The following SLC7A11 variants were observed in gnomAD, a reference collection of about 807,000 sequenced individuals.
SLC7A11 encodes cystine/glutamate transporter.
In SLC7A11, 35 loss-of-function variants were observed where a neutral mutation model predicts 54.5. The ratio of observed to expected loss-of-function variants is 0.64; its 90% confidence interval spans 0.49 to 0.85. SLC7A11 has a LOEUF of 0.85. SLC7A11 is among the 40% of genes least tolerant of loss of function. SLC7A11 has a pLI of 0.00. For missense variants in SLC7A11, 583 were observed against 618.1 expected, an observed-to-expected ratio of 0.94 and a Z score of 0.60; for synonymous variants, 230 against 225.2, an observed-to-expected ratio of 1.02 and a Z score of -0.19.
At chr4:138,240,292 C>T (rs150072034) in intron 1 of SLC7A11, among the ~76,000 whole-genome samples, 140 of 152,096 alleles carry the variant, frequency 9.2e-4, no homozygotes, top group African/African-American at 3.2e-3. Flanking sequence ...GAGGACCGGG[C>T]GCGGTGGCTC....
chr4:138,228,864 C>T (rs559193809), intron 3 of SLC7A11, among the ~76,000 whole-genome samples: 3 of 151,802 alleles, frequency 2.0e-5, no homozygotes, highest in Non-Finnish European at 4.4e-5. Context: ...TTAACTTCCA[C>T]GCACCTGACA....
At chr4:138,203,736 A>C (rs1216668131) in intron 6 of SLC7A11, among the ~76,000 whole-genome samples, 1 of 152,118 alleles carries the variant, frequency 6.6e-6, no homozygotes, top group African/African-American at 2.4e-5. Context: ...TAAAAACTGC[A>C]TATGTGTCAC....
At chr4:138,224,587 A>T (rs1737892218) in intron 3 of SLC7A11, among the ~76,000 whole-genome samples, 1 of 152,106 alleles carries the variant, frequency 6.6e-6, no homozygotes, top group East Asian at 1.9e-4. Flanking sequence ...TGTCAGCAAC[A>T]CATAATCTTT....
intron 1 of SLC7A11, among the ~76,000 whole-genome samples, chr4:138,237,733 ATATATTTTTTTTTTTTTTTTT>A (rs1437351842): frequency 5.2e-4 from 6 of 11,560 alleles, no homozygotes; most frequent in African/African-American, 2.3e-3. Context: ...ATATATATAT[ATATATTTTTTTTTTTTTTTTT>A]TTTTTTTTTT....
intron 5 of SLC7A11, among the ~76,000 whole-genome samples, chr4:138,216,530 T>C (rs962996280): frequency 6.6e-6 from 1 of 152,180 alleles, no homozygotes; most frequent in African/African-American, 2.4e-5. Flanking sequence ...CCGACCCAAC[T>C]GTGTGACCTG....
At position 138,169,629 on chromosome 4, in the gene SLC7A11, C is replaced by G. The variant is rs1426235264; in HGVS notation, c.*2327G>C. The G allele has an allele frequency of 6.6e-6, 1 of 152,004 alleles. No homozygotes were observed. The highest frequency in any genetic ancestry group is 1.9e-4 in the East Asian group (1 of 5,182). 9.4% of individuals were successfully genotyped at this position (152,004 alleles called of 1,614,324 possible). On this transcript the variant is annotated 3_prime_UTR_variant, in exon 12 of 12. Coordinates refer to ENST00000280612, the MANE Select transcript of SLC7A11 (RefSeq NM_014331.4). Reference sequence around the variant, plus strand: ...ACCCCAGGAAGAGCCAAGAACTACACAAACCTCTCTATGAGAATTTACCAG... The same window carrying G: ...ACCCCAGGAAGAGCCAAGAACTACAGAAACCTCTCTATGAGAATTTACCAG...
intron 6 of SLC7A11, among the ~76,000 whole-genome samples, chr4:138,200,625 G>T (rs1318024155): frequency 6.6e-6 from 1 of 151,982 alleles, no homozygotes; most frequent in Non-Finnish European, 1.5e-5. Context: ...TACTAGAAAA[G>T]GATCAGGATT....
chr4:138,218,822 T>C (rs1737738363), intron 5 of SLC7A11, among the ~76,000 whole-genome samples: 3 of 152,208 alleles, frequency 2.0e-5, no homozygotes, highest in African/African-American at 4.8e-5. Flanking sequence ...TACTTATTTC[T>C]ACATCTGAGT....
At chr4:138,231,262 C>G (rs1248023298) in intron 3 of SLC7A11, among the ~76,000 whole-genome samples, 1 of 152,082 alleles carries the variant, frequency 6.6e-6, no homozygotes, top group Non-Finnish European at 1.5e-5. Context: ...GATGGTTACA[C>G]TAAAAGCCCA....
At chr4:138,182,703 T>G (rs766589620) in intron 8 of SLC7A11, among the ~76,000 whole-genome samples, 5 of 152,138 alleles carry the variant, frequency 3.3e-5, no homozygotes, top group Non-Finnish European at 7.4e-5. Flanking sequence ...GTATTATATG[T>G]GTGTTGTCAA....
At chr4:138,240,289 G>A (rs188394259) in intron 1 of SLC7A11, among the ~76,000 whole-genome samples, 7 of 152,092 alleles carry the variant, frequency 4.6e-5, no homozygotes, top group Non-Finnish European at 7.4e-5. Flanking sequence ...TTTGAGGACC[G>A]GGCGCGGTGG....
In SLC7A11 at chr4:138,219,257, TCAACTTACCAG is replaced by T. The variant is rs772464589; in HGVS notation, c.744_746+8del. 2.7e-6 allele frequency: 4 copies of T among 1,507,054 alleles called. No homozygotes were observed. The South Asian group carries it at 4.5e-5, about 17-fold the overall frequency. The allele number at this position is 1,507,054 out of a possible 1,614,324, so 93.4% of individuals were successfully genotyped here. ...ACGCAAACCACCAGATCTGGAGCTATCAACTTACCAGCCAGCATATGCATACATTCCATAAT... is the reference window on the plus strand; with the variant it reads ...ACGCAAACCACCAGATCTGGAGCTATCCAGCATATGCATACATTCCATAAT... On this transcript the variant is annotated splice_donor_variant and splice_donor_5th_base_variant and coding_sequence_variant and intron_variant, in exon 5 of 12. Coordinates refer to ENST00000280612, the MANE Select transcript of SLC7A11 (RefSeq NM_014331.4). LOFTEE classifies it high-confidence loss of function.
chr4:138,232,805 T>G (rs1738112291), intron 2 of SLC7A11, among the ~76,000 whole-genome samples: 1 of 152,222 alleles, frequency 6.6e-6, no homozygotes, highest in Admixed American at 6.5e-5. Context: ...GTCAAAAGAA[T>G]GAACACAACA....
chr4:138,175,313 T>C (rs1736542480), intron 11 of SLC7A11, among the ~76,000 whole-genome samples: 1 of 152,216 alleles, frequency 6.6e-6, no homozygotes, highest in Non-Finnish European at 1.5e-5. Context: ...TCAAAGATTT[T>C]GTTTAAATAA....
intron 2 of SLC7A11, among the ~76,000 whole-genome samples, chr4:138,234,436 T>G (rs1738155862): frequency 6.6e-6 from 1 of 152,194 alleles, no homozygotes; most frequent in African/African-American, 2.4e-5. Flanking sequence ...TTATTCTGCC[T>G]ATTTAAAAGG....
chr4:138,172,041 A>T, intron 11 of SLC7A11, 24 bp from the exon 12 acceptor site: 1 of 1,570,580 alleles, frequency 6.4e-7, no homozygotes, highest in East Asian at 2.3e-5. Flanking sequence ...AAAATGAATT[A>T]AAAATGCATG....
chr4:138,207,388 A>G (rs994225163), intron 6 of SLC7A11, among the ~76,000 whole-genome samples: 13 of 152,034 alleles, frequency 8.6e-5, no homozygotes, highest in African/African-American at 3.1e-4. Context: ...GCATATAAAG[A>G]GGAATATTTG....
chr4:138,182,261 A>G, intron 9 of SLC7A11, 36 bp downstream of exon 9: 1 of 1,298,472 alleles, frequency 7.7e-7, no homozygotes, highest in Non-Finnish European at 1.1e-6. Context: ...CTATTATTCA[A>G]GGTTATATCT....
chr4:138,214,778 C>A, intron 5 of SLC7A11, 149 bp from the exon 6 acceptor site: 1 of 345,712 alleles, frequency 2.9e-6, no homozygotes. Flanking sequence ...CTAAATACTC[C>A]CATAAGTCAT....
Sources: allele counts gnomAD v4.1 joint callset (sites outside exome capture counted in the v4.1 genomes callset), GRCh38; gene constraint gnomAD v4.1.1; transcripts MANE v1.5; gene names NCBI Gene and HGNC (gene_info 2026-07-23, HGNC 2026-07-21).